RFX3: variants seen among roughly 807,000 people sequenced by gnomAD.
RFX3 encodes regulatory factor X3.
A neutral mutation model predicts 98.6 loss-of-function variants in RFX3; 14 were observed. The observed-to-expected ratio is 0.14, with a 90% CI of 0.09 to 0.22. RFX3 has a LOEUF of 0.22. Among genes scored for constraint, RFX3 ranks in the 10% least tolerant of loss-of-function variants. The probability of loss-of-function intolerance (pLI) is 1.00; values close to 1 mark genes in which losing one functional copy is unlikely to be tolerated. For synonymous variants in RFX3, 383 were observed against 328.4 expected (o/e 1.17, Z -1.80); for missense variants, 639 against 926.9 (o/e 0.69, Z 4.03).
chr9:3,387,515 T>A lies in RFX3; in HGVS notation c.117+7957A>T, dbSNP rs559788076. Among the ~76,000 whole-genome samples, 5 of 152,302 alleles carry A rather than the reference T, an allele frequency of 3.3e-5. No homozygotes were observed. The East Asian group carries it at 9.6e-4, about 29-fold the overall frequency. On this transcript the variant is annotated intron_variant, in intron 2 of 16. Coordinates refer to ENST00000617270, the MANE Select transcript of RFX3 (RefSeq NM_001282116.2). The stretch of plus-strand genomic sequence containing the variant: ...TTGGATTGGCACAGCAAGACTTATT[T>A]CCATTGTAAATCAGCATGGTCCTCC...
intron 2 of RFX3, among the ~76,000 whole-genome samples, chr9:3,369,029 A>C (rs2131524124): frequency 6.6e-6 from 1 of 152,352 alleles, no homozygotes; most frequent in East Asian, 1.9e-4. Context: ...GAAAGGAGGC[A>C]GATACAAACT....
At chr9:3,269,291 T>A (rs1402555047) in intron 11 of RFX3, among the ~76,000 whole-genome samples, 2 of 152,064 alleles carry the variant, frequency 1.3e-5, no homozygotes, top group Non-Finnish European at 2.9e-5. Flanking sequence ...CTTCTACTGT[T>A]GTCTATTGTT....
At chr9:3,444,371 A>G (rs1276430998) in intron 1 of RFX3, among the ~76,000 whole-genome samples, 2 of 152,174 alleles carry the variant, frequency 1.3e-5, no homozygotes, top group Non-Finnish European at 2.9e-5. Flanking sequence ...AAACTAATAC[A>G]TAGTGACAGA....
intron 3 of RFX3, among the ~76,000 whole-genome samples, chr9:3,339,191 A>C (rs553633299): frequency 6.6e-6 from 1 of 152,230 alleles, no homozygotes; most frequent in African/African-American, 2.4e-5. Flanking sequence ...GCCGTTGCTC[A>C]TGATAACATT....
chr9:3,251,519 G>C (rs1215050380), intron 14 of RFX3, among the ~76,000 whole-genome samples: 2 of 151,930 alleles, frequency 1.3e-5, no homozygotes, highest in Non-Finnish European at 2.9e-5. Flanking sequence ...TTTTGTTAGA[G>C]ATGGGGTCTC....
At chr9:3,503,940 T>G (rs1416371777) in intron 1 of RFX3, among the ~76,000 whole-genome samples, 2 of 151,624 alleles carry the variant, frequency 1.3e-5, no homozygotes, top group African/African-American at 4.8e-5. Context: ...ATTTGCCTAT[T>G]ATTGTAATTT....
chr9:3,509,141 G>A (rs546965379), intron 1 of RFX3, among the ~76,000 whole-genome samples: 1 of 151,830 alleles, frequency 6.6e-6, no homozygotes, highest in Non-Finnish European at 1.5e-5. Context: ...TGCCAGTATT[G>A]CGTCTGGTTG....
In RFX3 at chr9:3,511,068, A is replaced by G. The variant is rs550367174; in HGVS notation, c.-9+14679T>C. ...ATTTTTAAAGACCGCCACAAAATAT[A>G]TTAAGTCATACACAATTCCACTGAA... On this transcript the variant is annotated intron_variant, in intron 1 of 16. Transcript: ENST00000617270. Among the ~76,000 whole-genome samples, 18 of 152,146 alleles carry G rather than the reference A, an allele frequency of 1.2e-4. No homozygotes were observed. In the South Asian group the frequency reaches 3.5e-3, roughly 30 times the overall value.
At chr9:3,304,830 GA>G (rs1288542076) in intron 4 of RFX3, among the ~76,000 whole-genome samples, 1 of 151,964 alleles carries the variant, frequency 6.6e-6, no homozygotes, top group African/African-American at 2.4e-5. Context: ...AGCAGCATGA[GA>G]ACGGACTAAT....
At chr9:3,254,424 A>G (rs2131067286) in intron 14 of RFX3, among the ~76,000 whole-genome samples, 1 of 152,308 alleles carries the variant, frequency 6.6e-6, no homozygotes. Flanking sequence ...ACAGCCAGTC[A>G]GTGTACTGCT....
chr9:3,284,314 T>C (rs1826293327), intron 7 of RFX3, among the ~76,000 whole-genome samples: 1 of 151,686 alleles, frequency 6.6e-6, no homozygotes, highest in Non-Finnish European at 1.5e-5. Context: ...TTTGAAGAGG[T>C]GGAAATTACT....
At chr9:3,426,218 AT>A (rs200604658) in intron 1 of RFX3, among the ~76,000 whole-genome samples, 1 of 151,996 alleles carries the variant, frequency 6.6e-6, no homozygotes, top group African/African-American at 2.4e-5. Context: ...TAAATGAGTG[AT>A]TTTTTTAACT....
chr9:3,518,085 C>T (rs1448927008), intron 1 of RFX3, among the ~76,000 whole-genome samples: 1 of 152,168 alleles, frequency 6.6e-6, no homozygotes, highest in Non-Finnish European at 1.5e-5. Context: ...TAACATGCTA[C>T]GCAGGTTTAT....
chr9:3,248,149 A>T lies in RFX3; in HGVS notation c.1851T>A (p.Ala617=). The change falls in exon 15 of 17, where the codon GCT becomes GCA. Residue 617 remains alanine (A), a synonymous_variant. Transcript: ENST00000617270. ...TCAGGTGGAAGGAGCCAAAGCTAGC[A>T]GCACTGCGTAAGGTTAAGTCCCGAA... ...MVIRDLTLRS[A]ASFGSFHLIR... The T allele has an allele frequency of 6.2e-7, 1 of 1,613,596 alleles. No individual in the cohort carries two copies. The highest frequency in any genetic ancestry group is 8.5e-7 in the Non-Finnish European group (1 of 1,179,776).
At chr9:3,504,124 T>C (rs1280570294) in intron 1 of RFX3, among the ~76,000 whole-genome samples, 1 of 129,216 alleles carries the variant, frequency 7.7e-6, no homozygotes, top group Admixed American at 7.8e-5. Flanking sequence ...TCTCTCCCTC[T>C]CTCTTTATAT....
chr9:3,412,475 C>T (rs182486484), intron 1 of RFX3, among the ~76,000 whole-genome samples: 1 of 152,222 alleles, frequency 6.6e-6, no homozygotes, highest in Admixed American at 6.5e-5. Flanking sequence ...AGGCTTCAAA[C>T]CATTTAATAA....
At chr9:3,442,676 T>C (rs994407734) in intron 1 of RFX3, among the ~76,000 whole-genome samples, 1 of 152,212 alleles carries the variant, frequency 6.6e-6, no homozygotes, top group Non-Finnish European at 1.5e-5. Flanking sequence ...AATGGGGGTA[T>C]ATGGGAACCT....
chr9:3,387,206 G>C (rs1218206126), intron 2 of RFX3, among the ~76,000 whole-genome samples: 1 of 151,926 alleles, frequency 6.6e-6, no homozygotes. Context: ...TAAGCACTTT[G>C]TATCAAATTC....
At chr9:3,236,216 C>T (rs1014394115) in intron 15 of RFX3, among the ~76,000 whole-genome samples, 2 of 152,056 alleles carry the variant, frequency 1.3e-5, no homozygotes, top group East Asian at 3.9e-4. Flanking sequence ...CATACAAGTT[C>T]CTACCGGTCT....
Sources: gnomAD v4.1 joint callset for allele counts (sites outside exome capture counted in the v4.1 genomes callset) on GRCh38, gnomAD v4.1.1 for gene constraint, MANE v1.5 for transcripts, NCBI Gene and HGNC (gene_info 2026-07-23, HGNC 2026-07-21) for gene names.